CBLL1: variants seen among roughly 807,000 people sequenced by gnomAD.
CBLL1 encodes the protein Cbl proto-oncogene like 1.
Under a neutral mutation model 44.9 loss-of-function variants are expected in CBLL1, and 4 were observed. The observed-to-expected ratio is 0.09, with a 90% CI of 0.04 to 0.20. CBLL1 has a LOEUF of 0.20. CBLL1 is among the 10% of genes least tolerant of loss of function. The probability of loss-of-function intolerance (pLI) is 1.00; values close to 1 mark genes in which losing one functional copy is unlikely to be tolerated. For missense variants in CBLL1, 569 were observed against 636.7 expected (o/e 0.89, Z 1.14); for synonymous variants, 235 against 202.2 (o/e 1.16, Z -1.38).
At chr7:107,752,913 A>T (rs889888868) in intron 2 of CBLL1, among the ~76,000 whole-genome samples, 2 of 152,228 alleles carry the variant, frequency 1.3e-5, no homozygotes, top group Non-Finnish European at 2.9e-5. Flanking sequence ...AAAGAAGAGG[A>T]TAACTTGTTT....
chr7:107,747,393 TTA>T (rs1293180525), intron 1 of CBLL1, among the ~76,000 whole-genome samples: 4 of 152,328 alleles, frequency 2.6e-5, no homozygotes, highest in African/African-American at 9.6e-5. Context: ...ATTGAACTGA[TTA>T]TATGTCTACA....
At position 107,744,339 on chromosome 7, in the gene CBLL1, G is replaced by T. The variant is rs1023844684; in HGVS notation, c.13+163G>T. The T allele has an allele frequency of 9.1e-6, 8 of 879,868 alleles. 1 individual carries two copies. Among genetic ancestry groups the T allele is most frequent in the Non-Finnish European group, 1.3e-5 (8 of 613,508 alleles). The allele number at this position is 879,868 out of a possible 1,614,324, so 54.5% of individuals were successfully genotyped here. ...CTTCCTGTGCCCGGCAGGGGCCTGC[G>T]GTTTCCTGGCCTACCGTCTGGTGTG... On this transcript the variant is annotated intron_variant, in intron 1 of 5. Coordinates refer to ENST00000440859, the MANE Select transcript of CBLL1 (RefSeq NM_024814.4).
chr7:107,753,294 C>G, intron 2 of CBLL1, 117 bp from the exon 3 acceptor site: 1 of 615,352 alleles, frequency 1.6e-6, no homozygotes. Flanking sequence ...CTTAGAAAAG[C>G]TTTGAAAGGC....
intron 2 of CBLL1, chr7:107,752,414 C>T: frequency 2.9e-6 from 1 of 345,860 alleles, no homozygotes; most frequent in South Asian, 2.5e-5. Flanking sequence ...CTTCTTGCAT[C>T]ATTGTTTGTG....
chr7:107,750,274 T>C (rs570876474), intron 2 of CBLL1, among the ~76,000 whole-genome samples: 1 of 152,238 alleles, frequency 6.6e-6, no homozygotes, highest in East Asian at 1.9e-4. Flanking sequence ...TTCATTTGTC[T>C]TTTGAATTTT....
intron 2 of CBLL1, among the ~76,000 whole-genome samples, chr7:107,752,784 A>G (rs1466824399): frequency 6.6e-6 from 1 of 152,174 alleles, no homozygotes; most frequent in Non-Finnish European, 1.5e-5. Flanking sequence ...CATTGTAGGA[A>G]AGGATACATG....
chr7:107,759,949 G>A lies in CBLL1; in HGVS notation c.*771G>A, dbSNP rs927221803. 2 of 152,426 alleles carry A rather than the reference G, an allele frequency of 1.3e-5. No individual in the cohort carries two copies. The highest frequency in any genetic ancestry group is 4.1e-4 in the South Asian group (2 of 4,828). 9.4% of individuals were successfully genotyped at this position (152,426 alleles called of 1,614,324 possible). ...AATCAACTCTACAGGCTTCAAGCTGGTGGGGGAATGCTGTTACTCATTAAT... is the reference window on the plus strand; with the variant it reads ...AATCAACTCTACAGGCTTCAAGCTGATGGGGGAATGCTGTTACTCATTAAT... On this transcript the variant is annotated 3_prime_UTR_variant, in exon 6 of 6. Coordinates refer to ENST00000440859, the MANE Select transcript of CBLL1 (RefSeq NM_024814.4).
chr7:107,749,257 A>C, intron 2 of CBLL1: 1 of 386,850 alleles, frequency 2.6e-6, no homozygotes, highest in Non-Finnish European at 4.6e-6. Flanking sequence ...TGAAAGCAAT[A>C]CTGCCCATTG....
intron 1 of CBLL1, among the ~76,000 whole-genome samples, chr7:107,745,780 G>GC (rs1792984643): frequency 6.6e-6 from 1 of 152,164 alleles, no homozygotes; most frequent in African/African-American, 2.4e-5. Flanking sequence ...TTTGGTTTGA[G>GC]CAACTAGGTA....
Position 107,758,037 on chromosome 7 carries a change from A to G in CBLL1, c.441-106A>G, listed in dbSNP as rs746749186. The G allele has an allele frequency of 4.1e-6, 4 of 985,494 alleles. No individual in the cohort carries two copies. The highest frequency in any genetic ancestry group is 1.8e-5 in the South Asian group (1 of 57,000). 61.0% of individuals were successfully genotyped at this position (985,494 alleles called of 1,614,324 possible). On this transcript the variant is annotated intron_variant, in intron 5 of 5. Transcript: ENST00000440859. The surrounding 1 kb of genome is among the most constrained non-coding windows in gnomAD (Gnocchi z 4.2). ...TAACTTCTAATTGTGGACTTTTGCTATGTTTTATGTAACAGTCAAATTTTA... is the reference window on the plus strand; with the variant it reads ...TAACTTCTAATTGTGGACTTTTGCTGTGTTTTATGTAACAGTCAAATTTTA...
intron 3 of CBLL1, 126 bp from the exon 4 acceptor site, chr7:107,753,769 A>T: frequency 8.8e-6 from 5 of 567,640 alleles, no homozygotes; most frequent in Non-Finnish European, 1.4e-5. Flanking sequence ...ATAAATGGAG[A>T]TTATACCAAG....
At chr7:107,755,578 T>A in intron 5 of CBLL1, 87 bp downstream of exon 5, 2 of 673,358 alleles carry the variant, frequency 3.0e-6, no homozygotes, top group Non-Finnish European at 4.8e-6. Flanking sequence ...GGGAGTGATG[T>A]AAATCAGGCA....
chr7:107,752,713 G>T, intron 2 of CBLL1: 4 of 488,190 alleles, frequency 8.2e-6, no homozygotes, highest in Non-Finnish European at 1.3e-5. Context: ...TTTTAATTAG[G>T]CCAGAGAAAT....
Position 107,760,784 on chromosome 7 carries a change from T to G in CBLL1, c.*1606T>G, listed in dbSNP as rs1221141836. 1.3e-5 allele frequency: 2 copies of G among 152,198 alleles called. No individual in the cohort carries two copies. The highest frequency in any genetic ancestry group is 2.9e-5 in the Non-Finnish European group (2 of 67,920). The allele number at this position is 152,198 out of a possible 1,614,324, so 9.4% of individuals were successfully genotyped here. On this transcript the variant is annotated 3_prime_UTR_variant, in exon 6 of 6. Transcript: ENST00000440859. Reference sequence around the variant, plus strand: ...ACCATTTTATTCTGTCAGGTACAGGTGAAACAAATTCTCATCTTGAATGAT... The same window carrying G: ...ACCATTTTATTCTGTCAGGTACAGGGGAAACAAATTCTCATCTTGAATGAT...
At chr7:107,749,093 G>A (rs2115612772) in intron 2 of CBLL1, 46 bp downstream of exon 2, 1 of 1,574,200 alleles carries the variant, frequency 6.4e-7, no homozygotes. Context: ...TGTTTTATCT[G>A]ATTGCTTCGG....
Position 107,759,059 on chromosome 7 carries a change from A to C in CBLL1, c.1357A>C (p.Ile453Leu), listed in dbSNP as rs773049192. The C allele has an allele frequency of 1.9e-6, 3 of 1,613,882 alleles. No homozygotes were observed. The Admixed American group carries it at 5.0e-5, about 27-fold the overall frequency. ...ACAACCAGGGGGAATGAGTCCTGGT[A>C]TATGGCCTGCACCAAGAGGGCCACC... ...FTQPGGMSPG[I>L]WPAPRGPPPP... The change falls in exon 6 of 6, where the codon ATA becomes CTA. Residue 453 changes from isoleucine (I) to leucine (L), a missense_variant. Ile to Leu is a conservative substitution (Grantham distance 5, BLOSUM62 2). Coordinates refer to ENST00000440859, the MANE Select transcript of CBLL1 (RefSeq NM_024814.4).
chr7:107,749,163 A>G (rs560713986), intron 2 of CBLL1, 116 bp downstream of exon 2: 32 of 833,656 alleles, frequency 3.8e-5, no homozygotes, highest in African/African-American at 5.3e-5. Context: ...TCATTCTTCA[A>G]CCTTCTTGTT....
At position 107,758,686 on chromosome 7, in the gene CBLL1, A is replaced by G; in HGVS notation, c.984A>G (p.Val328=). ...CTGAATATCAGGGTCAACCAGTGGT[A>G]TCGCACCCTCATCATATTATGCCTC... ...HHPEYQGQPV[V]SHPHHIMPPQ... Residue 328 remains valine, a synonymous_variant, in exon 6 of 6, where the codon GTA becomes GTG. Transcript: ENST00000440859. This position sits in a 1 kb window ranked among gnomAD's most constrained non-coding sequence, Gnocchi z 4.2. The G allele has an allele frequency of 6.2e-7, 1 of 1,613,950 alleles. No individual in the cohort carries two copies. Among genetic ancestry groups the G allele is most frequent in the Non-Finnish European group, 8.5e-7 (1 of 1,179,966 alleles).
intron 1 of CBLL1, among the ~76,000 whole-genome samples, chr7:107,748,324 G>T (rs1052234036): frequency 6.6e-6 from 1 of 152,128 alleles, no homozygotes; most frequent in African/African-American, 2.4e-5. Flanking sequence ...CTATATTTCT[G>T]AATGATTTTT....
Sources: allele counts gnomAD v4.1 joint callset (sites outside exome capture counted in the v4.1 genomes callset), GRCh38; gene constraint gnomAD v4.1.1; non-coding constraint Gnocchi (gnomAD v3.1); transcripts MANE v1.5; gene names NCBI Gene and HGNC (gene_info 2026-07-23, HGNC 2026-07-21).